CHKA: variants seen among roughly 807,000 people sequenced by gnomAD.
CHKA encodes CHETK-alpha.
A neutral mutation model predicts 60.1 loss-of-function variants in CHKA; 34 were observed. The ratio of observed to expected loss-of-function variants is 0.57; its 90% CI spans 0.43 to 0.75. The LOEUF (loss-of-function observed/expected upper bound fraction) is 0.75, where lower values mean the gene tolerates loss of function less well. Among genes scored for constraint, CHKA ranks in the 30% least tolerant of loss-of-function variants. CHKA has a pLI of 0.00. For missense variants in CHKA, 563 were observed against 561.3 expected (o/e 1.00, Z -0.03); for synonymous variants, 217 against 223.1 (o/e 0.97, Z 0.24).
rs571748756 is a variant in CHKA at position 68,090,613 on chromosome 11, T to C, written c.462+6406A>G. 5.6e-4 allele frequency among the ~76,000 whole-genome samples: 86 copies of C among 152,354 alleles called. 1 individual carries two copies. The highest frequency in any genetic ancestry group is 2.0e-3 in the African/African-American group (82 of 41,582). On this transcript the variant is annotated intron_variant, in intron 2 of 11. Transcript: ENST00000265689. ...TAAGAGAAAATAGGGAGGAAGACAT[T>C]TGTTTTCTAGATTTAAAAAGGACAG...
intron 11 of CHKA, among the ~76,000 whole-genome samples, chr11:68,057,646 T>C (rs1417644368): frequency 6.6e-6 from 1 of 152,168 alleles, no homozygotes; most frequent in Non-Finnish European, 1.5e-5. Context: ...CTCTTGTGTT[T>C]TCTCATAGAA....
chr11:68,076,794 A>G (rs1313328037), intron 3 of CHKA, among the ~76,000 whole-genome samples: 1 of 152,190 alleles, frequency 6.6e-6, no homozygotes, highest in Non-Finnish European at 1.5e-5. Flanking sequence ...GAGAAGAGGG[A>G]AAGAGATGTA....
chr11:68,070,039 C>T lies in CHKA; in HGVS notation c.869+150G>A. The stretch of plus-strand genomic sequence containing the variant: ...CATAATCTCTAGTCCTCTAGAGAAC[C>T]ATAATTCCAGATGACAAAACTTATG... On this transcript the variant is annotated intron_variant, in intron 6 of 11. Transcript: ENST00000265689. 4 of 669,710 alleles carry T rather than the reference C, an allele frequency of 6.0e-6. No homozygotes were observed. The South Asian group carries it at 6.9e-5, about 11-fold the overall frequency. 41.5% of individuals were successfully genotyped at this position (669,710 alleles called of 1,614,324 possible).
rs1472562527 is a variant in CHKA, at chr11:68,121,295, CGGCGGTTGGGCGCGCGG to C, written c.-135_-119del. 2.3e-6 allele frequency: 2 copies of C among 861,830 alleles called. No homozygotes were observed. Among genetic ancestry groups the C allele is most frequent in the African/African-American group, 1.9e-5 (1 of 53,872 alleles). 53.4% of individuals were successfully genotyped at this position (861,830 alleles called of 1,614,324 possible). On this transcript the variant is annotated 5_prime_UTR_variant, in exon 1 of 12. Transcript: ENST00000265689. ...GGCAGGCCGGCGGGGCAGGGGGCCG[CGGCGGTTGGGCGCGCGG>C]GGCGGCGGCGGCGGCTGCGGCGACT...
rs576288166 is a variant in CHKA at position 68,097,282 on chromosome 11, A to G, written c.351-152T>C. On this transcript the variant is annotated intron_variant, in intron 1 of 11. Coordinates refer to ENST00000265689, the MANE Select transcript of CHKA (RefSeq NM_001277.3). Reference sequence around the variant, plus strand: ...TCAATTTAACTCCATGAGTCACATTAAAAACAGACAAATTCCCTTTCTGTT... The same window carrying G: ...TCAATTTAACTCCATGAGTCACATTGAAAACAGACAAATTCCCTTTCTGTT... The G allele has an allele frequency of 2.1e-5, 11 of 531,696 alleles. 1 individual carries two copies. The South Asian group carries it at 3.2e-4, about 15-fold the overall frequency. 32.9% of individuals were successfully genotyped at this position (531,696 alleles called of 1,614,324 possible). A position where few individuals can be genotyped will look rare whatever the true frequency, so the allele number is the denominator to read the frequency against.
chr11:68,062,230 G>A (rs759396186), intron 10 of CHKA, among the ~76,000 whole-genome samples, 196 bp from the exon 11 acceptor site: 1 of 152,246 alleles, frequency 6.6e-6, no homozygotes, highest in Non-Finnish European at 1.5e-5. Flanking sequence ...TCCCTCATCT[G>A]CTAGTGACAG....
At chr11:68,115,830 A>G (rs1858363560) in intron 1 of CHKA, among the ~76,000 whole-genome samples, 1 of 152,246 alleles carries the variant, frequency 6.6e-6, no homozygotes, top group Non-Finnish European at 1.5e-5. Flanking sequence ...AATGAAATTG[A>G]AAATTGTTTC....
At chr11:68,065,169 A>G (rs1856398695) in intron 9 of CHKA, among the ~76,000 whole-genome samples, 1 of 152,198 alleles carries the variant, frequency 6.6e-6, no homozygotes, top group Non-Finnish European at 1.5e-5. Flanking sequence ...TGTGAAATGA[A>G]TAGAAAAAGG....
intron 1 of CHKA, among the ~76,000 whole-genome samples, chr11:68,109,613 C>A (rs1303096588): frequency 6.6e-6 from 1 of 152,084 alleles, no homozygotes; most frequent in Non-Finnish European, 1.5e-5. Flanking sequence ...CACAGGCTCA[C>A]CAAAAGACTG....
At chr11:68,102,478 T>C (rs539442322) in intron 1 of CHKA, among the ~76,000 whole-genome samples, 2 of 152,282 alleles carry the variant, frequency 1.3e-5, no homozygotes, top group Admixed American at 1.3e-4. Flanking sequence ...ATAAACAGTG[T>C]TGGGAAAACT....
chr11:68,081,270 G>C, intron 3 of CHKA, 134 bp downstream of exon 3: 1 of 659,222 alleles, frequency 1.5e-6, no homozygotes, highest in Non-Finnish European at 2.7e-6. Flanking sequence ...GATATACCAA[G>C]AGCCCCTCCT....
intron 1 of CHKA, among the ~76,000 whole-genome samples, chr11:68,100,566 G>C (rs897861417): frequency 2.0e-5 from 3 of 150,812 alleles, no homozygotes; most frequent in Non-Finnish European, 4.4e-5. Flanking sequence ...CTCCAGCCTG[G>C]GGGACAAGAA....
At chr11:68,072,439 C>T (rs900399935) in intron 4 of CHKA, among the ~76,000 whole-genome samples, 2 of 150,254 alleles carry the variant, frequency 1.3e-5, no homozygotes, top group African/African-American at 2.5e-5. Context: ...CCCAGCTACT[C>T]GGGAGGCTGA....
At chr11:68,088,224 C>T (rs1285840191) in intron 2 of CHKA, among the ~76,000 whole-genome samples, 1 of 150,686 alleles carries the variant, frequency 6.6e-6, no homozygotes, top group South Asian at 2.1e-4. Context: ...TTCTACTAAT[C>T]TGGTATTATC....
At chr11:68,064,347 G>C (rs1732940852) in intron 10 of CHKA, among the ~76,000 whole-genome samples, 178 bp downstream of exon 10, 1 of 151,960 alleles carries the variant, frequency 6.6e-6, no homozygotes, top group African/African-American at 2.4e-5. Flanking sequence ...GGCGGAGGTT[G>C]CAGTGAGCCG....
At chr11:68,115,695 T>C (rs1469274714) in intron 1 of CHKA, among the ~76,000 whole-genome samples, 3 of 151,948 alleles carry the variant, frequency 2.0e-5, no homozygotes, top group African/African-American at 7.3e-5. Context: ...CAAATACAAG[T>C]TGCTCTAAAA....
intron 1 of CHKA, among the ~76,000 whole-genome samples, chr11:68,107,859 T>C (rs1857973287): frequency 6.6e-6 from 1 of 152,216 alleles, no homozygotes; most frequent in African/African-American, 2.4e-5. Flanking sequence ...TAGCCCACGC[T>C]GACTCCCAGT....
chr11:68,071,439 T>C (rs1856615569), intron 4 of CHKA, among the ~76,000 whole-genome samples: 1 of 152,190 alleles, frequency 6.6e-6, no homozygotes, highest in Non-Finnish European at 1.5e-5. Flanking sequence ...TCTAGAGGAC[T>C]TCCTCCTGGC....
At chr11:68,102,237 G>C (rs982486214) in intron 1 of CHKA, among the ~76,000 whole-genome samples, 2 of 151,576 alleles carry the variant, frequency 1.3e-5, no homozygotes, top group African/African-American at 4.9e-5. Flanking sequence ...AATCACAAAA[G>C]ACCCCAGTAG....
Sources: gnomAD v4.1 joint callset for allele counts (sites outside exome capture counted in the v4.1 genomes callset) on GRCh38, gnomAD v4.1.1 for gene constraint, MANE v1.5 for transcripts, NCBI Gene and HGNC (gene_info 2026-07-23, HGNC 2026-07-21) for gene names.